Variants in SMAD1 observed in about 807,000 individuals in gnomAD.
SMAD1 encodes the protein MAD, mothers against decapentaplegic homolog 1.
Under a neutral mutation model 41.6 loss-of-function variants are expected in SMAD1, and 6 were observed. The observed-to-expected ratio is 0.14, with a 90% confidence interval of 0.08 to 0.28. The LOEUF is 0.28. SMAD1 is among the 10% of genes least tolerant of loss of function. The pLI is 1.00. For synonymous variants in SMAD1, 206 were observed against 203.2 expected (o/e 1.01, Z -0.12); for missense variants, 379 against 582.6 (o/e 0.65, Z 3.60).
chr4:145,530,304 A>T (rs1219939423), intron 2 of SMAD1, among the ~76,000 whole-genome samples: 1 of 152,226 alleles, frequency 6.6e-6, no homozygotes, highest in Non-Finnish European at 1.5e-5. Flanking sequence ...GAGACTTGGA[A>T]ATATGGCCAA....
intron 4 of SMAD1, chr4:145,545,058 T>C (rs189412726): frequency 2.0e-5 from 3 of 152,206 alleles, no homozygotes; most frequent in Non-Finnish European, 2.9e-5. Context: ...CCCCCGCTTT[T>C]TTTTTAACTT....
chr4:145,493,669 C>G (rs780137371), intron 1 of SMAD1, among the ~76,000 whole-genome samples: 1 of 152,176 alleles, frequency 6.6e-6, no homozygotes, highest in Non-Finnish European at 1.5e-5. Context: ...CTAGAAAAGG[C>G]TCCTTTAAAA....
chr4:145,514,539 C>A lies in SMAD1; in HGVS notation c.-75C>A. On this transcript the variant is annotated 5_prime_UTR_variant, in exon 2 of 7. Coordinates refer to ENST00000302085, the MANE Select transcript of SMAD1 (RefSeq NM_005900.3). This position sits in a 1 kb window ranked among gnomAD's most constrained non-coding sequence, Gnocchi z 4.7. The stretch of plus-strand genomic sequence containing the variant: ...GAGACTTCTCTGTAAATAAACAAAT[C>A]TCTTCTGCTGTCCTTTTGCATTTGG... 1 of 1,348,244 alleles carries A rather than the reference C, an allele frequency of 7.4e-7. No individual in the cohort carries two copies. The highest frequency in any genetic ancestry group is 1.0e-6 in the Non-Finnish European group (1 of 986,948). 83.5% of individuals were successfully genotyped at this position (1,348,244 alleles called of 1,614,324 possible).
At chr4:145,513,619 A>G (rs1302174747) in intron 1 of SMAD1, among the ~76,000 whole-genome samples, 2 of 152,230 alleles carry the variant, frequency 1.3e-5, no homozygotes, top group African/African-American at 4.8e-5. Context: ...CTAAAATATT[A>G]CTACATTTAT....
At chr4:145,500,556 A>T (rs1354029253) in intron 1 of SMAD1, among the ~76,000 whole-genome samples, 1 of 152,066 alleles carries the variant, frequency 6.6e-6, no homozygotes, top group Non-Finnish European at 1.5e-5. Flanking sequence ...ATTCACGACG[A>T]GGCTTTCCCT....
Position 145,514,835 on chromosome 4 carries a change from G to A in SMAD1, c.222G>A (p.Arg74=), listed in dbSNP as rs1288768248. The change falls in exon 2 of 7, where the codon AGG becomes AGA. Residue 74 remains arginine, a synonymous_variant. Coordinates refer to ENST00000302085, the MANE Select transcript of SMAD1 (RefSeq NM_005900.3). The surrounding 1 kb of genome is among the most constrained non-coding windows in gnomAD (Gnocchi z 4.7). ...CCATTCCCCGCTCTCTGGATGGCAG[G>A]CTGCAAGTCTCCCACCGGAAGGGAC... is the stretch of plus-strand genomic sequence containing the variant. ...CVTIPRSLDG[R]LQVSHRKGLP... is the part of the protein sequence containing the mutation. The A allele has an allele frequency of 1.2e-6, 2 of 1,614,012 alleles. No homozygotes were observed. The highest frequency in any genetic ancestry group is 2.7e-5 in the African/African-American group (2 of 74,988).
intron 1 of SMAD1, among the ~76,000 whole-genome samples, chr4:145,504,216 T>G (rs1729637324): frequency 6.6e-6 from 1 of 152,230 alleles, no homozygotes; most frequent in Admixed American, 6.5e-5. Context: ...AGGACTTTAC[T>G]GTATCTGAAA....
At chr4:145,485,972 C>T (rs1314415482) in intron 1 of SMAD1, among the ~76,000 whole-genome samples, 1 of 152,162 alleles carries the variant, frequency 6.6e-6, no homozygotes, top group East Asian at 1.9e-4. Context: ...GATTTCTAAT[C>T]TTACCTGGGA....
chr4:145,513,631 TAA>T (rs2126404546), intron 1 of SMAD1, among the ~76,000 whole-genome samples: 1 of 152,320 alleles, frequency 6.6e-6, no homozygotes, highest in Non-Finnish European at 1.5e-5. Context: ...TACATTTATA[TAA>T]GAGGAATTTT....
chr4:145,534,812 G>A (rs916754329), intron 2 of SMAD1, among the ~76,000 whole-genome samples: 3 of 152,198 alleles, frequency 2.0e-5, no homozygotes, highest in Non-Finnish European at 4.4e-5. Flanking sequence ...TGCACTAGAA[G>A]TATGCATGGA....
intron 2 of SMAD1, among the ~76,000 whole-genome samples, chr4:145,522,339 C>T (rs970936665): frequency 1.2e-4 from 18 of 149,004 alleles, no homozygotes; most frequent in Non-Finnish European, 3.0e-5. Context: ...CAGTGGCTCA[C>T]GCCTGTAATC....
chr4:145,528,328 C>T (rs897130235), intron 2 of SMAD1, among the ~76,000 whole-genome samples: 19 of 152,278 alleles, frequency 1.2e-4, no homozygotes, highest in African/African-American at 4.3e-4. Context: ...TGGTCTCGAA[C>T]TCCTAATCTT....
At chr4:145,508,208 TATG>T (rs1729893483) in intron 1 of SMAD1, among the ~76,000 whole-genome samples, 1 of 151,962 alleles carries the variant, frequency 6.6e-6, no homozygotes, top group Non-Finnish European at 1.5e-5. Flanking sequence ...CACTTGTCCA[TATG>T]ATAAGATTCT....
At chr4:145,507,408 C>T (rs1401473635) in intron 1 of SMAD1, among the ~76,000 whole-genome samples, 2 of 151,894 alleles carry the variant, frequency 1.3e-5, no homozygotes, top group African/African-American at 4.8e-5. Context: ...CAAATTATTA[C>T]GTAGTCTTTA....
intron 1 of SMAD1, among the ~76,000 whole-genome samples, chr4:145,499,933 G>GA (rs1372677923): frequency 2.0e-5 from 3 of 151,692 alleles, no homozygotes; most frequent in Admixed American, 6.6e-5. Context: ...AAAAAAAGAA[G>GA]AAAAAAATCT....
intron 1 of SMAD1, chr4:145,484,914 A>C (rs1728400774): frequency 6.6e-6 from 1 of 152,228 alleles, no homozygotes; most frequent in Admixed American, 6.5e-5. Flanking sequence ...TACCAGGCCT[A>C]TACCAGAAAC....
intron 5 of SMAD1, among the ~76,000 whole-genome samples, chr4:145,547,577 C>A (rs577730739): frequency 6.6e-6 from 1 of 152,114 alleles, no homozygotes; most frequent in African/African-American, 2.4e-5. Flanking sequence ...AAATAAATCC[C>A]GAACTCTTTT....
In SMAD1 at chr4:145,514,314, A is replaced by G. The variant is rs112849892; in HGVS notation, c.-176-124A>G. The G allele has an allele frequency of 2.1e-5, 5 of 234,314 alleles. No individual in the cohort carries two copies. The highest frequency in any genetic ancestry group is 4.1e-5 in the Non-Finnish European group (5 of 122,458). The allele number at this position is 234,314 out of a possible 1,614,324, so 14.5% of individuals were successfully genotyped here. A position where few individuals can be genotyped will look rare whatever the true frequency, so the allele number is the denominator to read the frequency against. ...CCGCATATGAATTTTAGGGGTCACA[A>G]TTCAGTCCACAGCATACTGTATTAC... is the stretch of plus-strand genomic sequence containing the variant. On this transcript the variant is annotated intron_variant, in intron 1 of 6. Transcript: ENST00000302085. This position sits in a 1 kb window ranked among gnomAD's most constrained non-coding sequence, Gnocchi z 4.7.
chr4:145,528,483 T>A (rs934312209), intron 2 of SMAD1, among the ~76,000 whole-genome samples: 1 of 152,132 alleles, frequency 6.6e-6, no homozygotes, highest in Admixed American at 6.5e-5. Flanking sequence ...CTCAAGTGAT[T>A]CACCCACCTT....
Sources: allele counts gnomAD v4.1 joint callset (sites outside exome capture counted in the v4.1 genomes callset), GRCh38; gene constraint gnomAD v4.1.1; non-coding constraint Gnocchi (gnomAD v3.1); transcripts MANE v1.5; gene names NCBI Gene and HGNC (gene_info 2026-07-23, HGNC 2026-07-21).